Variants in CSMD1 observed in about 807,000 individuals in gnomAD.
CSMD1 encodes CUB and Sushi multiple domains 1.
Under a neutral mutation model 417.5 loss-of-function variants are expected in CSMD1, and 213 were observed. The ratio of observed to expected loss-of-function variants is 0.51; its 90% confidence interval spans 0.46 to 0.57. The LOEUF (loss-of-function observed/expected upper bound fraction) is 0.57, where lower values mean the gene tolerates loss of function less well. CSMD1 is among the 20% of genes least tolerant of loss of function. The pLI is 0.00. For synonymous variants in CSMD1, 2,862 were observed against 1,736.8 expected (o/e 1.65, Z -16.11); for missense variants, 6,923 against 4,529.7 (o/e 1.53, Z -15.17).
intron 3 of CSMD1, among the ~76,000 whole-genome samples, chr8:4,339,078 C>T (rs1189819991): frequency 6.6e-6 from 1 of 152,046 alleles, no homozygotes; most frequent in African/African-American, 2.4e-5. Context: ...GTAGTAGAGG[C>T]ATGGATTCTG....
At chr8:3,108,429 G>C (rs1048331700) in intron 44 of CSMD1, among the ~76,000 whole-genome samples, 174 bp downstream of exon 44, 4 of 152,104 alleles carry the variant, frequency 2.6e-5, no homozygotes, top group African/African-American at 9.7e-5. Flanking sequence ...AAATAATAAA[G>C]ACATCATTAA....
At chr8:4,468,787 C>G (rs1285044122) in intron 2 of CSMD1, among the ~76,000 whole-genome samples, 1 of 152,120 alleles carries the variant, frequency 6.6e-6, no homozygotes, top group African/African-American at 2.4e-5. Flanking sequence ...CTGTGTTTTT[C>G]ATATAATGGA....
At chr8:4,036,628 G>A (rs1007182389) in intron 3 of CSMD1, among the ~76,000 whole-genome samples, 9 of 152,222 alleles carry the variant, frequency 5.9e-5, no homozygotes, top group Admixed American at 2.0e-4. Context: ...AGCAGCGGAT[G>A]TCAAAGAAAA....
At chr8:2,971,005 T>C (rs1303797954) in intron 57 of CSMD1, among the ~76,000 whole-genome samples, 2 of 152,206 alleles carry the variant, frequency 1.3e-5, no homozygotes, top group Non-Finnish European at 2.9e-5. Flanking sequence ...TCTCTAAATA[T>C]GTATTTTCTA....
chr8:3,874,503 T>C (rs954150249), intron 5 of CSMD1, among the ~76,000 whole-genome samples: 2 of 152,190 alleles, frequency 1.3e-5, no homozygotes, highest in African/African-American at 4.8e-5. Flanking sequence ...GACGTTGCAT[T>C]GAAACACATG....
chr8:4,279,278 G>A (rs1236711712), intron 3 of CSMD1, among the ~76,000 whole-genome samples: 1 of 152,146 alleles, frequency 6.6e-6, no homozygotes, highest in African/African-American at 2.4e-5. Context: ...TATATTTAGT[G>A]TAAAAAGCCA....
intron 6 of CSMD1, among the ~76,000 whole-genome samples, chr8:3,740,795 T>C (rs77989633): frequency 7.2e-5 from 11 of 152,220 alleles, no homozygotes; most frequent in Admixed American, 6.5e-4. Flanking sequence ...TGTGTTTACC[T>C]TGAGCATCAG....
chr8:3,055,938 A>G (rs762646263), intron 49 of CSMD1, among the ~76,000 whole-genome samples: 2 of 152,212 alleles, frequency 1.3e-5, no homozygotes, highest in East Asian at 1.9e-4. Context: ...GGAGGGTTCA[A>G]TGAAATCATC....
chr8:3,950,818 A>G (rs376633504), intron 5 of CSMD1, among the ~76,000 whole-genome samples: 1 of 152,010 alleles, frequency 6.6e-6, no homozygotes, highest in East Asian at 1.9e-4. Context: ...TAGGTTTAGT[A>G]TATTAAAATA....
At chr8:3,842,545 G>C (rs1012809041) in intron 5 of CSMD1, among the ~76,000 whole-genome samples, 1 of 151,958 alleles carries the variant, frequency 6.6e-6, no homozygotes, top group African/African-American at 2.4e-5. Context: ...GTCAGAAATT[G>C]TAAATCCTGG....
At chr8:3,952,562 G>C (rs1363496936) in intron 5 of CSMD1, among the ~76,000 whole-genome samples, 1 of 152,076 alleles carries the variant, frequency 6.6e-6, no homozygotes, top group East Asian at 1.9e-4. Context: ...AATTCACAGA[G>C]GCAGAAAACA....
intron 3 of CSMD1, among the ~76,000 whole-genome samples, chr8:4,160,654 G>C (rs1797102666): frequency 2.6e-5 from 4 of 152,202 alleles, no homozygotes; most frequent in African/African-American, 9.7e-5. Context: ...TTGTACTTGT[G>C]TGTGCACAGA....
chr8:3,848,463 T>A (rs1465174773), intron 5 of CSMD1, among the ~76,000 whole-genome samples: 1 of 151,954 alleles, frequency 6.6e-6, no homozygotes, highest in Admixed American at 6.6e-5. Context: ...GTTCTCTGAG[T>A]ACTTAATTCA....
chr8:4,444,560 T>C (rs952619506), intron 2 of CSMD1, among the ~76,000 whole-genome samples: 2 of 151,998 alleles, frequency 1.3e-5, no homozygotes, highest in Non-Finnish European at 2.9e-5. Flanking sequence ...AGGGGTTTTC[T>C]AAGAATTAAA....
intron 1 of CSMD1, among the ~76,000 whole-genome samples, chr8:4,870,784 C>A (rs139769174): frequency 1.3e-5 from 2 of 152,102 alleles, no homozygotes; most frequent in South Asian, 2.1e-4. Context: ...CCCTGGTCCT[C>A]GGAAAATGCC....
intron 5 of CSMD1, among the ~76,000 whole-genome samples, chr8:3,974,597 A>T (rs2049305): frequency 6.6e-6 from 1 of 151,804 alleles, no homozygotes; most frequent in African/African-American, 2.4e-5. Context: ...TCTAATAACA[A>T]CCCTTGTTTT....
chr8:4,051,041 C>G (rs1321980620), intron 3 of CSMD1, among the ~76,000 whole-genome samples: 2 of 152,026 alleles, frequency 1.3e-5, no homozygotes, highest in Non-Finnish European at 2.9e-5. Flanking sequence ...CAACATGATG[C>G]CTGAAATCCT....
At chr8:3,880,970 T>A (rs1486823401) in intron 5 of CSMD1, among the ~76,000 whole-genome samples, 1 of 152,178 alleles carries the variant, frequency 6.6e-6, no homozygotes, top group Admixed American at 6.5e-5. Flanking sequence ...ACTGCATTTT[T>A]AAGTACTAGC....
At chr8:4,668,616 AT>A (rs934864089) in intron 1 of CSMD1, among the ~76,000 whole-genome samples, 2 of 151,410 alleles carry the variant, frequency 1.3e-5, no homozygotes, top group Non-Finnish European at 2.9e-5. Flanking sequence ...CGCCTGGCTA[AT>A]TTTTTTGCAT....
Sources: allele counts gnomAD v4.1 joint callset (sites outside exome capture counted in the v4.1 genomes callset), GRCh38; gene constraint gnomAD v4.1.1; transcripts MANE v1.5; gene names NCBI Gene and HGNC (gene_info 2026-07-23, HGNC 2026-07-21).